CTHRC1: variants seen among roughly 807,000 people sequenced by gnomAD.
CTHRC1 encodes collagen triple helix repeat containing 1, also known as collagen triple helix repeat-containing protein 1.
CTHRC1 carries 21 observed loss-of-function variants against 25.9 expected under a neutral mutation model. That is an observed-to-expected ratio of 0.81 (90% confidence interval 0.57 to 1.17). The LOEUF is 1.17. CTHRC1 is among the 50% of genes most tolerant of loss of function. The pLI, the probability that CTHRC1 is intolerant of heterozygous loss-of-function variation, is 0.00. For synonymous variants in CTHRC1, 109 were observed against 113.1 expected (o/e 0.96, Z 0.23); for missense variants, 281 against 304.3 (o/e 0.92, Z 0.57).
Position 103,382,631 on chromosome 8 carries a change from T to G in CTHRC1, c.*31T>G, listed in dbSNP as rs1227536496. The G allele has an allele frequency of 6.4e-7, 1 of 1,568,366 alleles. No individual in the cohort carries two copies. The highest frequency in any genetic ancestry group is 1.1e-5 in the South Asian group (1 of 90,102). ...TTAATTTTCATTTGCTACCTCTTTT[T>G]TTATTATGCCTTGGAATGGTTCACT... On this transcript the variant is annotated 3_prime_UTR_variant, in exon 4 of 4. Transcript: ENST00000330295.
At position 103,382,685 on chromosome 8, in the gene CTHRC1, T is replaced by A; in HGVS notation, c.*85T>A. 8.5e-7 allele frequency: 1 copy of A among 1,181,142 alleles called. No homozygotes were observed. The highest frequency in any genetic ancestry group is 1.7e-5 in the Admixed American group (1 of 59,390). The allele number at this position is 1,181,142 out of a possible 1,614,324, so 73.2% of individuals were successfully genotyped here. ...ATGACATTTTAAATAAGTTTATGTA[T>A]ACATCTGAATGAAAAGCAAAGCTAA... is the stretch of plus-strand genomic sequence containing the variant. On this transcript the variant is annotated 3_prime_UTR_variant, in exon 4 of 4. Transcript: ENST00000330295.
intron 1 of CTHRC1, among the ~76,000 whole-genome samples, chr8:103,374,924 C>G (rs567634718): frequency 9.9e-5 from 15 of 152,202 alleles, no homozygotes; most frequent in African/African-American, 3.6e-4. Context: ...GAAACTGGCT[C>G]TAGAATCCAT....
chr8:103,382,305 A>T (rs1194753467), intron 3 of CTHRC1, among the ~76,000 whole-genome samples, 153 bp from the exon 4 acceptor site: 1 of 152,210 alleles, frequency 6.6e-6, no homozygotes, highest in South Asian at 2.1e-4. Flanking sequence ...GAAAAAGAGG[A>T]CTTCATTATA....
chr8:103,381,761 G>A (rs1028691121), intron 3 of CTHRC1, among the ~76,000 whole-genome samples: 22 of 152,142 alleles, frequency 1.4e-4, no homozygotes, highest in African/African-American at 5.1e-4. Flanking sequence ...CACTTTGGGA[G>A]GCCGAAGTGG....
intron 3 of CTHRC1, among the ~76,000 whole-genome samples, chr8:103,381,144 C>A (rs747206501): frequency 6.6e-6 from 1 of 151,880 alleles, no homozygotes; most frequent in South Asian, 2.1e-4. Context: ...ATGTGCATAA[C>A]GTGCAGGTTT....
At chr8:103,372,444 G>C in intron 1 of CTHRC1, 1 of 1,531,516 alleles carries the variant, frequency 6.5e-7, no homozygotes. Context: ...GAAGGTTTAA[G>C]GCCGGAAAGG....
intron 2 of CTHRC1, among the ~76,000 whole-genome samples, chr8:103,377,753 G>C (rs1017160947): frequency 6.6e-6 from 1 of 152,100 alleles, no homozygotes; most frequent in African/African-American, 2.4e-5. Flanking sequence ...ACAGGCGTGC[G>C]CCACCACACC....
chr8:103,372,356 C>T (rs895527942), intron 1 of CTHRC1: 49 of 1,090,170 alleles, frequency 4.5e-5, no homozygotes, highest in Middle Eastern at 3.1e-4. Flanking sequence ...CTATGAGTCA[C>T]GTTGGGTCAT....
At chr8:103,373,095 A>G (rs1416604466) in intron 1 of CTHRC1, among the ~76,000 whole-genome samples, 1 of 152,170 alleles carries the variant, frequency 6.6e-6, no homozygotes, top group Non-Finnish European at 1.5e-5. Context: ...AGTATGGTTC[A>G]TGTGTAGTTT....
chr8:103,371,718 T>A lies in CTHRC1; in HGVS notation c.62T>A (p.Leu21Gln), dbSNP rs958926809. 6.5e-7 allele frequency: 1 copy of A among 1,536,264 alleles called. No homozygotes were observed. The highest frequency in any genetic ancestry group is 8.8e-7 in the Non-Finnish European group (1 of 1,142,182). The change falls in exon 1 of 4, where the codon CTG (leucine) becomes CAG (glutamine). Residue 21 changes from leucine to glutamine, a missense_variant. Coordinates refer to ENST00000330295, the MANE Select transcript of CTHRC1 (RefSeq NM_138455.4). ...CTCCGCGGCCTCCTGCTGCTCCTGC[T>A]GCTGCAGCTGCCCGCGCCGTCGAGC... ...QRLRGLLLLLLLQLPAPSSAS... is the reference protein window; with the variant it reads ...QRLRGLLLLLQLQLPAPSSAS...
At chr8:103,372,016 G>A (rs987142819) in intron 1 of CTHRC1, among the ~76,000 whole-genome samples, 1 of 152,240 alleles carries the variant, frequency 6.6e-6, no homozygotes, top group Non-Finnish European at 1.5e-5. Context: ...ACTCAGAGGG[G>A]AGACCAAAAT....
intron 1 of CTHRC1, among the ~76,000 whole-genome samples, chr8:103,374,006 T>G (rs970442319): frequency 2.6e-5 from 4 of 152,210 alleles, no homozygotes; most frequent in Admixed American, 2.0e-4. Context: ...TTGAAATATT[T>G]TGCACTTTTA....
chr8:103,373,638 T>G (rs1420183855), intron 1 of CTHRC1, among the ~76,000 whole-genome samples: 1 of 149,506 alleles, frequency 6.7e-6, no homozygotes, highest in Non-Finnish European at 1.5e-5. Flanking sequence ...GGCCAGATAA[T>G]TCTTGTGGGG....
chr8:103,382,322 T>C, intron 3 of CTHRC1, 136 bp from the exon 4 acceptor site: 1 of 812,528 alleles, frequency 1.2e-6, no homozygotes, highest in Non-Finnish European at 2.0e-6. Context: ...TATAAAAACC[T>C]TATCAAGTAT....
intron 1 of CTHRC1, 22 bp downstream of exon 1, chr8:103,371,828 C>T (rs1388080527): frequency 2.2e-5 from 33 of 1,481,256 alleles, no homozygotes; most frequent in Non-Finnish European, 2.8e-5. Flanking sequence ...GGAGCCGAGC[C>T]GGGACCGCCG....
At position 103,375,877 on chromosome 8, in the gene CTHRC1, G is replaced by C. The variant is rs1410976599; in HGVS notation, c.290G>C (p.Ser97Thr). Reference sequence around the variant, plus strand: ...GAAAAGGGGGAATGTCTGAGGGAAAGCTTTGAGGAGTCCTGGACACCCAAC... The same window carrying C: ...GAAAAGGGGGAATGTCTGAGGGAAACCTTTGAGGAGTCCTGGACACCCAAC... ...KGEKGECLRE[S>T]FEESWTPNYK... Residue 97 changes from serine (S) to threonine (T), a missense_variant, in exon 2 of 4, where the codon AGC (serine) becomes ACC (threonine). Physicochemically the swap from Ser to Thr is moderately conservative, Grantham distance 58. Coordinates refer to ENST00000330295, the MANE Select transcript of CTHRC1 (RefSeq NM_138455.4). 5.6e-6 allele frequency: 9 copies of C among 1,614,034 alleles called. No homozygotes were observed. The highest frequency in any genetic ancestry group is 1.3e-5 in the African/African-American group (1 of 74,904).
chr8:103,371,724 A>G lies in CTHRC1; in HGVS notation c.68A>G (p.Gln23Arg). 4 of 1,535,628 alleles carry G rather than the reference A, an allele frequency of 2.6e-6. No homozygotes were observed. Among genetic ancestry groups the G allele is most frequent in the South Asian group, 1.2e-5 (1 of 82,418 alleles). ...GGCCTCCTGCTGCTCCTGCTGCTGC[A>G]GCTGCCCGCGCCGTCGAGCGCCTCT... The part of the protein sequence containing the change: ...LRGLLLLLLL[Q>R]LPAPSSASEI... The change falls in exon 1 of 4, where the codon CAG (glutamine) becomes CGG (arginine). Residue 23 changes from glutamine to arginine, a missense_variant. Coordinates refer to ENST00000330295, the MANE Select transcript of CTHRC1 (RefSeq NM_138455.4).
At chr8:103,378,417 T>C (rs1815847825) in intron 3 of CTHRC1, among the ~76,000 whole-genome samples, 174 bp downstream of exon 3, 1 of 152,202 alleles carries the variant, frequency 6.6e-6, no homozygotes, top group South Asian at 2.1e-4. Flanking sequence ...CTTTTAAAAA[T>C]ACATAGATGC....
rs1039714955 is a variant in CTHRC1, at chr8:103,371,807, G to C, written c.150+1G>C. The C allele has an allele frequency of 2.0e-6, 3 of 1,522,504 alleles. No homozygotes were observed. The African/African-American group carries it at 4.3e-5, about 22-fold the overall frequency. The allele number at this position is 1,522,504 out of a possible 1,614,324, so 94.3% of individuals were successfully genotyped here. A position where few individuals can be genotyped will look rare whatever the true frequency, so the allele number is the denominator to read the frequency against. ...CCGGCAGAGGGAGGTGGTGGACCTG[G>C]TGAGTCCGAGGGAGCCGAGCCGGGA... On this transcript the variant is annotated splice_donor_variant, in intron 1 of 3. Coordinates refer to ENST00000330295, the MANE Select transcript of CTHRC1 (RefSeq NM_138455.4). LOFTEE classifies it high-confidence loss of function.
Sources: allele counts gnomAD v4.1 joint callset (sites outside exome capture counted in the v4.1 genomes callset), GRCh38; gene constraint gnomAD v4.1.1; transcripts MANE v1.5; gene names NCBI Gene and HGNC (gene_info 2026-07-23, HGNC 2026-07-21).